The following OTOGL variants were observed in gnomAD, a reference collection of about 807,000 sequenced individuals.
The protein encoded by OTOGL is otogelin like.
Under a neutral mutation model 318.5 loss-of-function variants are expected in OTOGL, and 285 were observed. The ratio of observed to expected loss-of-function variants is 0.89; its 90% CI spans 0.81 to 0.99. The LOEUF (loss-of-function observed/expected upper bound fraction) is 0.99, where lower values mean the gene tolerates loss of function less well. Among genes scored for constraint, OTOGL ranks in the 50% least tolerant of loss-of-function variants. The pLI, the probability that OTOGL is intolerant of heterozygous loss-of-function variation, is 0.00. For synonymous variants in OTOGL, 987 were observed against 936.5 expected (o/e 1.05, Z -0.99); for missense variants, 2,899 against 2,845.6 (o/e 1.02, Z -0.43).
intron 42 of OTOGL, among the ~76,000 whole-genome samples, chr12:80,337,522 G>A (rs192151860): frequency 6.6e-4 from 101 of 152,008 alleles, no homozygotes; most frequent in African/African-American, 1.7e-3. Context: ...TTGAAGAAGC[G>A]CAATGTATTA....
At chr12:80,336,755 G>A (rs1471125917) in intron 40 of OTOGL, 42 bp from the exon 41 acceptor site, 2 of 1,476,386 alleles carry the variant, frequency 1.4e-6, no homozygotes, top group Non-Finnish European at 1.8e-6. Flanking sequence ...GTTTTAAAAA[G>A]TCAAATAATG....
intron 1 of OTOGL, among the ~76,000 whole-genome samples, chr12:80,194,711 A>AT (rs1875932011): frequency 1.3e-5 from 2 of 152,128 alleles, no homozygotes; most frequent in Admixed American, 6.5e-5. Flanking sequence ...ACTTACATTT[A>AT]TTTTTTCTGA....
At position 80,253,660 on chromosome 12, in the gene OTOGL, C is replaced by G. The variant is rs1038468206; in HGVS notation, c.1394+86C>G. 11 of 1,031,260 alleles carry G rather than the reference C, an allele frequency of 1.1e-5. No homozygotes were observed. The Admixed American group carries it at 2.4e-4, about 22-fold the overall frequency. The allele number at this position is 1,031,260 out of a possible 1,614,324, so 63.9% of individuals were successfully genotyped here. On this transcript the variant is annotated intron_variant, in intron 14 of 58. Coordinates refer to ENST00000547103, the MANE Select transcript of OTOGL (RefSeq NM_001378609.3). ...TGACAGATGTTTAAAGGAATATACT[C>G]ATTACTAATTTACTTCCCAAATTCC... is the stretch of plus-strand genomic sequence containing the variant.
At chr12:80,124,110 C>T (rs1304629285) in intron 1 of OTOGL, among the ~76,000 whole-genome samples, 3 of 152,134 alleles carry the variant, frequency 2.0e-5, no homozygotes, top group Non-Finnish European at 4.4e-5. Context: ...GAAGTCCTTG[C>T]CCATGCCTAT....
intron 44 of OTOGL, among the ~76,000 whole-genome samples, chr12:80,347,026 C>T (rs973203074): frequency 6.6e-6 from 1 of 152,172 alleles, no homozygotes; most frequent in African/African-American, 2.4e-5. Context: ...TTCCCACCAC[C>T]ATTTGAATCC....
At chr12:80,217,710 C>G (rs1188127166) in intron 5 of OTOGL, 46 bp downstream of exon 5, 3 of 1,339,592 alleles carry the variant, frequency 2.2e-6, no homozygotes, top group Non-Finnish European at 3.1e-6. Flanking sequence ...CTCAGAAAAT[C>G]CCTTTGGGGG....
chr12:80,156,183 C>T (rs751023323), intron 1 of OTOGL, among the ~76,000 whole-genome samples: 21 of 152,302 alleles, frequency 1.4e-4, no homozygotes, highest in East Asian at 3.9e-4. Context: ...TAGCTGCCAG[C>T]GTGGCCAGAA....
At chr12:80,304,131 G>T (rs1333724172) in intron 28 of OTOGL, among the ~76,000 whole-genome samples, 2 of 152,150 alleles carry the variant, frequency 1.3e-5, no homozygotes, top group Non-Finnish European at 2.9e-5. Context: ...GTATATTTAA[G>T]ATTCATACAA....
intron 11 of OTOGL, among the ~76,000 whole-genome samples, chr12:80,249,171 A>T (rs1232654356): frequency 1.2e-4 from 18 of 147,760 alleles, no homozygotes; most frequent in Admixed American, 1.2e-3. Flanking sequence ...AGCTCGTCAA[A>T]ATCATTCTCC....
rs372117043 is a variant in OTOGL at position 80,222,180 on chromosome 12, C to T, written c.424C>T (p.Pro142Ser). 6.3e-7 allele frequency: 1 copy of T among 1,597,784 alleles called. No homozygotes were observed. The highest frequency in any genetic ancestry group is 1.3e-5 in the African/African-American group (1 of 74,848). The change falls in exon 7 of 59, where the codon CCA becomes TCA. Residue 142 changes from proline to serine, a missense_variant. Pro to Ser is a moderately conservative substitution (Grantham distance 74, BLOSUM62 -1). This residue lies in a region of OTOGL where 2,607 missense variants were observed against 2,524.9 expected (regional missense o/e 1.03). Coordinates refer to ENST00000547103, the MANE Select transcript of OTOGL (RefSeq NM_001378609.3). ...ETFDGIYYYF[P>S]GNCSYIFAKD... ...ATTCGATGGCATCTACTATTACTTC[C>T]CAGGAAACTGTTCTTACATTTTTGC...
chr12:80,194,982 G>A (rs747194374), intron 1 of OTOGL, among the ~76,000 whole-genome samples: 1 of 152,056 alleles, frequency 6.6e-6, no homozygotes, highest in South Asian at 2.1e-4. Flanking sequence ...CTTAGAAAAA[G>A]TGTTGCAAAA....
chr12:80,282,953 T>C (rs1405454440), intron 26 of OTOGL, among the ~76,000 whole-genome samples: 1 of 151,976 alleles, frequency 6.6e-6, no homozygotes, highest in African/African-American at 2.4e-5. Context: ...GGACCAAGTC[T>C]TGCTCATCAT....
At chr12:80,351,290 GTTTTTTTT>G (rs367974556) in intron 44 of OTOGL, among the ~76,000 whole-genome samples, 1 of 149,096 alleles carries the variant, frequency 6.7e-6, no homozygotes, top group Non-Finnish European at 1.5e-5. Flanking sequence ...TTGCCATTGT[GTTTTTTTT>G]TTTTTTTTGT....
chr12:80,310,802 A>C, intron 30 of OTOGL, 75 bp downstream of exon 30: 1 of 1,178,198 alleles, frequency 8.5e-7, no homozygotes, highest in Non-Finnish European at 1.2e-6. Context: ...TGAACACGAC[A>C]CGTAACTGGG....
intron 26 of OTOGL, among the ~76,000 whole-genome samples, chr12:80,283,789 A>T (rs1884409770): frequency 6.6e-6 from 1 of 152,116 alleles, no homozygotes; most frequent in Non-Finnish European, 1.5e-5. Flanking sequence ...GTGCATGCAG[A>T]TCACCTAGGA....
At position 80,178,995 on chromosome 12, in the gene OTOGL, A is replaced by G. The variant is rs569797712; in HGVS notation, c.-19-30418A>G. Among the ~76,000 whole-genome samples the G allele has an allele frequency of 6.6e-5, 10 of 152,216 alleles. No individual in the cohort carries two copies. The East Asian group carries it at 1.2e-3, about 18-fold the overall frequency. ...TTGAAACTGTTGTGGTTTATTACTG[A>G]CACATTGAAGCTTTCTAAGAAGAGT... On this transcript the variant is annotated intron_variant, in intron 1 of 58. Coordinates refer to ENST00000547103, the MANE Select transcript of OTOGL (RefSeq NM_001378609.3).
intron 26 of OTOGL, among the ~76,000 whole-genome samples, chr12:80,296,410 A>G (rs1171395817): frequency 3.3e-5 from 5 of 152,246 alleles, no homozygotes; most frequent in Admixed American, 2.6e-4. Flanking sequence ...ATCTATTTGA[A>G]TTCTAACTTA....
At chr12:80,191,301 G>A (rs570207989) in intron 1 of OTOGL, among the ~76,000 whole-genome samples, 54 of 152,256 alleles carry the variant, frequency 3.5e-4, no homozygotes, top group East Asian at 9.7e-4. Context: ...AGCCAGGCGC[G>A]GGGGTGGGCA....
chr12:80,250,663 G>A (rs1440611471), intron 11 of OTOGL, among the ~76,000 whole-genome samples: 2 of 152,142 alleles, frequency 1.3e-5, no homozygotes, highest in Non-Finnish European at 2.9e-5. Context: ...GACTAGATAA[G>A]CTGCAGGACT....
Sources: allele counts gnomAD v4.1 joint callset (sites outside exome capture counted in the v4.1 genomes callset), GRCh38; gene constraint gnomAD v4.1.1; regional missense constraint gnomAD v4.1.1; transcripts MANE v1.5; gene names NCBI Gene and HGNC (gene_info 2026-07-23, HGNC 2026-07-21).